PCDHGA2: variants seen among roughly 807,000 people sequenced by gnomAD.
PCDHGA2 encodes protocadherin gamma-A2.
In PCDHGA2, 40 loss-of-function variants were observed where a neutral mutation model predicts 59.2. The observed-to-expected ratio is 0.68, with a 90% CI of 0.52 to 0.88. The LOEUF (loss-of-function observed/expected upper bound fraction) is 0.88. PCDHGA2 is among the 40% of genes least tolerant of loss of function. The pLI is 0.00. For missense variants in PCDHGA2, 1,226 were observed against 1,204.0 expected (o/e 1.02, Z -0.27); for synonymous variants, 560 against 526.0 (o/e 1.06, Z -0.89).
chr5:141,360,357 T>A, intron 1 of PCDHGA2: 1 of 1,613,878 alleles, frequency 6.2e-7, no homozygotes, highest in African/African-American at 1.3e-5. Flanking sequence ...AGAAGGAATA[T>A]TTCACAGTAA....
intron 1 of PCDHGA2, chr5:141,413,265 T>A (rs1301684620): frequency 6.2e-7 from 1 of 1,613,840 alleles, no homozygotes; most frequent in African/African-American, 1.3e-5. Context: ...CATGGGAGGC[T>A]GGAGCCCGGC....
At chr5:141,427,198 T>G (rs1345851173) in intron 1 of PCDHGA2, 1 of 456,584 alleles carries the variant, frequency 2.2e-6, no homozygotes, top group African/African-American at 2.0e-5. Flanking sequence ...AAAGACTTAA[T>G]AGACTTCGAA....
At chr5:141,344,112 G>C in intron 1 of PCDHGA2, 1 of 1,614,026 alleles carries the variant, frequency 6.2e-7, no homozygotes, top group Non-Finnish European at 8.5e-7. Flanking sequence ...GTGCGAAACA[G>C]GATCCGGTCA....
intron 1 of PCDHGA2, chr5:141,383,554 G>A (rs773842723): frequency 1.9e-6 from 3 of 1,612,524 alleles, no homozygotes; most frequent in Non-Finnish European, 2.5e-6. Context: ...TGATGGCGGC[G>A]ACCCGCCCCG....
At chr5:141,360,479 A>G in intron 1 of PCDHGA2, 2 of 1,613,948 alleles carry the variant, frequency 1.2e-6, no homozygotes, top group Non-Finnish European at 1.7e-6. Flanking sequence ...AATCCACTAA[A>G]TATTTTCTAC....
rs778744503 is a variant in PCDHGA2, at chr5:141,511,152, G to A, written c.2778G>A (p.Ser926=). Residue 926 remains serine (S), a synonymous_variant, in exon 4 of 4, where the codon TCG becomes TCA. Transcript: ENST00000394576. The part of the protein sequence containing the change: ...PAGGNGNKKK[S]GKKEKK ...GTGGCAATGGCAACAAGAAGAAGTCGGGCAAGAAGGAGAAGAAGTAACATG... is the reference window on the plus strand; with the variant it reads ...GTGGCAATGGCAACAAGAAGAAGTCAGGCAAGAAGGAGAAGAAGTAACATG... The A allele has an allele frequency of 2.0e-5, 32 of 1,614,022 alleles. No individual in the cohort carries two copies. Among genetic ancestry groups the A allele is most frequent in the South Asian group, 4.4e-5 (4 of 91,090 alleles).
At chr5:141,405,757 C>T (rs754575292) in intron 1 of PCDHGA2, among the ~76,000 whole-genome samples, 13 of 152,264 alleles carry the variant, frequency 8.5e-5, no homozygotes, top group East Asian at 3.9e-4. Context: ...GGATTACAGG[C>T]GTGAGCCACT....
At chr5:141,362,700 T>G in intron 1 of PCDHGA2, 6 of 1,033,758 alleles carry the variant, frequency 5.8e-6, no homozygotes, top group Non-Finnish European at 8.2e-6. Context: ...CTAACTGAAT[T>G]TTAAGTGTTT....
chr5:141,339,714 G>T lies in PCDHGA2; in HGVS notation c.743G>T (p.Arg248Leu), dbSNP rs1418817730. 1 of 1,614,168 alleles carries T rather than the reference G, an allele frequency of 6.2e-7. No individual in the cohort carries two copies. The highest frequency in any genetic ancestry group is 8.5e-7 in the Non-Finnish European group (1 of 1,180,028). ...NAPVFTQPEY[R>L]ISIPENTLVG... ...CCTGTTTTTACACAGCCCGAGTACC[G>T]CATAAGCATTCCGGAGAATACGCTC... Residue 248 changes from arginine to leucine, a missense_variant, in exon 1 of 4, where the codon CGC (arginine) becomes CTC (leucine). Transcript: ENST00000394576.
intron 1 of PCDHGA2, chr5:141,344,936 A>G (rs745857487): frequency 3.1e-6 from 5 of 1,613,966 alleles, no homozygotes; most frequent in Non-Finnish European, 4.2e-6. Flanking sequence ...GTGGAGAAGT[A>G]TCAATATTAA....
intron 1 of PCDHGA2, chr5:141,385,652 G>T: frequency 1.5e-6 from 1 of 651,480 alleles, no homozygotes; most frequent in South Asian, 5.5e-5. Context: ...ATTGCACAAG[G>T]TTAGCAGGAA....
At chr5:141,422,587 C>G in intron 1 of PCDHGA2, 2 of 1,614,032 alleles carry the variant, frequency 1.2e-6, no homozygotes, top group Non-Finnish European at 1.7e-6. Flanking sequence ...TCCCGTTTTT[C>G]CTCACTCCTC....
At chr5:141,406,072 C>CT (rs530474569) in intron 1 of PCDHGA2, among the ~76,000 whole-genome samples, 26,413 of 141,282 alleles carry the variant, frequency 0.19, 2,878 homozygotes, top group African/African-American at 0.31. Context: ...ATTCTTACTC[C>CT]TTTTTTTTTT....
intron 1 of PCDHGA2, chr5:141,366,464 C>T (rs770814147): frequency 6.2e-7 from 1 of 1,614,226 alleles, no homozygotes; most frequent in Non-Finnish European, 8.5e-7. Flanking sequence ...CATCGTGCTG[C>T]TGGTGCTCAG....
rs754537015 is a variant in PCDHGA2 at position 141,431,184 on chromosome 5, T to C, written c.2425-63623T>C. The C allele has an allele frequency of 2.5e-6, 4 of 1,614,090 alleles. No individual in the cohort carries two copies. In the South Asian group the frequency reaches 3.3e-5, roughly 13 times the overall value. ...CGTGAAAGTGAATTAGAAATAAAAATTAGTGAAAATGCAGCCACTGAGATG... is the reference window on the plus strand; with the variant it reads ...CGTGAAAGTGAATTAGAAATAAAAACTAGTGAAAATGCAGCCACTGAGATG... On this transcript the variant is annotated intron_variant, in intron 1 of 3. Coordinates refer to ENST00000394576, the MANE Select transcript of PCDHGA2 (RefSeq NM_018915.4). This position sits in a 1 kb window ranked among gnomAD's most constrained non-coding sequence, Gnocchi z 4.8.
At chr5:141,380,262 A>G (rs1183031008) in intron 1 of PCDHGA2, among the ~76,000 whole-genome samples, 3 of 152,232 alleles carry the variant, frequency 2.0e-5, no homozygotes, top group African/African-American at 7.2e-5. Flanking sequence ...GGGAAGGAGT[A>G]AAATCTCAGA....
rs1461837957 is a variant in PCDHGA2, at chr5:141,432,613, G to C, written c.2425-62194G>C. The C allele has an allele frequency of 6.2e-7, 1 of 1,613,946 alleles. No homozygotes were observed. The highest frequency in any genetic ancestry group is 1.3e-5 in the African/African-American group (1 of 75,056). On this transcript the variant is annotated intron_variant, in intron 1 of 3. Coordinates refer to ENST00000394576, the MANE Select transcript of PCDHGA2 (RefSeq NM_018915.4). The surrounding 1 kb of genome is among the most constrained non-coding windows in gnomAD (Gnocchi z 6.0). ...AGGCCAGCGAGCCGGGACTCTTCTC[G>C]GTGGGTCTGCACACGGGCGAGGTGC...
chr5:141,450,842 T>TTTTA (rs1387012749), intron 1 of PCDHGA2, among the ~76,000 whole-genome samples: 1 of 148,196 alleles, frequency 6.7e-6, no homozygotes, highest in African/African-American at 2.5e-5. Context: ...TTTTTTTTTT[T>TTTTA]GAGATGGGGT....
chr5:141,352,582 G>A (rs1759052169), intron 1 of PCDHGA2: 1 of 1,613,900 alleles, frequency 6.2e-7, no homozygotes. Context: ...CTCCCCCTCA[G>A]GATCTGCTGT....
Sources: allele counts gnomAD v4.1 joint callset (sites outside exome capture counted in the v4.1 genomes callset), GRCh38; gene constraint gnomAD v4.1.1; non-coding constraint Gnocchi (gnomAD v3.1); transcripts MANE v1.5; gene names NCBI Gene and HGNC (gene_info 2026-07-23, HGNC 2026-07-21).